The following MAST4 variants were observed in gnomAD, a reference collection of about 807,000 sequenced individuals.
MAST4 encodes microtubule-associated serine/threonine-protein kinase 4.
In MAST4, 89 loss-of-function variants were observed where a neutral mutation model predicts 162.7. The observed-to-expected ratio is 0.55, with a 90% CI of 0.46 to 0.65. MAST4 has a LOEUF of 0.65. Among genes scored for constraint, MAST4 ranks in the 30% least tolerant of loss-of-function variants. The probability of loss-of-function intolerance (pLI) is 0.00; values close to 1 mark genes in which losing one functional copy is unlikely to be tolerated. For missense variants in MAST4, 3,153 were observed against 3,374.0 expected, an observed-to-expected ratio of 0.93 and a Z score of 1.62; for synonymous variants, 1,479 against 1,361.1, an observed-to-expected ratio of 1.09 and a Z score of -1.91.
At chr5:66,901,135 G>C (rs547828176) in intron 4 of MAST4, among the ~76,000 whole-genome samples, 4 of 152,154 alleles carry the variant, frequency 2.6e-5, no homozygotes, top group South Asian at 2.1e-4. Flanking sequence ...TTCCCATCAT[G>C]ATGAGACAAA....
rs755089805 is a variant in MAST4, at chr5:67,127,403, G to A, written c.1746-2807G>A. Among the ~76,000 whole-genome samples, 20 of 152,026 alleles carry A rather than the reference G, an allele frequency of 1.3e-4. 1 individual carries two copies. Among genetic ancestry groups the A allele is most frequent in the South Asian group, 6.2e-4 (3 of 4,816 alleles). On this transcript the variant is annotated intron_variant, in intron 14 of 28. Coordinates refer to ENST00000403625, the MANE Select transcript of MAST4 (RefSeq NM_001164664.2). ...AATAGCTCTTATTATTTTGAGATAC[G>A]GTCCATCAATACCTAGTTTATTGAG...
intron 26 of MAST4, among the ~76,000 whole-genome samples, chr5:67,156,090 A>G (rs1158783539): frequency 6.6e-6 from 1 of 151,100 alleles, no homozygotes; most frequent in Non-Finnish European, 1.5e-5. Flanking sequence ...ACACGTAAGG[A>G]TAATAGTTAA....
intron 1 of MAST4, among the ~76,000 whole-genome samples, chr5:66,736,382 G>GACAC (rs34859042): frequency 4.5e-4 from 65 of 144,118 alleles, no homozygotes; most frequent in South Asian, 1.1e-3. Flanking sequence ...TTAGCCTGCT[G>GACAC]ACACACACAC....
chr5:66,894,032 T>G (rs1191903815), intron 3 of MAST4, among the ~76,000 whole-genome samples: 6 of 152,212 alleles, frequency 3.9e-5, no homozygotes, highest in African/African-American at 1.4e-4. Context: ...TGTCAAGTAG[T>G]GAGAACTCCA....
At chr5:67,105,748 C>T (rs1300453800) in intron 10 of MAST4, among the ~76,000 whole-genome samples, 1 of 152,174 alleles carries the variant, frequency 6.6e-6, no homozygotes, top group African/African-American at 2.4e-5. Context: ...AGAGTTGCCA[C>T]GTGCTTACGC....
chr5:66,616,273 AC>A (rs1473268781), intron 1 of MAST4, among the ~76,000 whole-genome samples: 2 of 151,886 alleles, frequency 1.3e-5, no homozygotes, highest in East Asian at 3.9e-4. Context: ...CCGTGTGACC[AC>A]CCCCTACCTC....
Position 67,144,662 on chromosome 5 carries a change from C to T in MAST4, c.2731-7C>T, listed in dbSNP as rs537568937. The T allele has an allele frequency of 2.7e-5, 43 of 1,612,530 alleles. No individual in the cohort carries two copies. In the East Asian group the frequency reaches 2.9e-4, roughly 11 times the overall value. On this transcript the variant is annotated splice_region_variant and splice_polypyrimidine_tract_variant and intron_variant, in intron 21 of 28. Transcript: ENST00000403625. ...ATATTAATAAGCACCAATTATTTGC[C>T]TTCCAGGTTTTCAGCAGTATAGATC...
chr5:66,899,558 A>G (rs1762881790), intron 3 of MAST4, among the ~76,000 whole-genome samples: 1 of 152,148 alleles, frequency 6.6e-6, no homozygotes, highest in African/African-American at 2.4e-5. Context: ...TTTACATTGC[A>G]CCTTTCATTT....
At chr5:67,087,820 G>A (rs189561894) in intron 5 of MAST4, among the ~76,000 whole-genome samples, 6 of 152,322 alleles carry the variant, frequency 3.9e-5, no homozygotes, top group Admixed American at 1.3e-4. Flanking sequence ...CGATTAGTAA[G>A]ATAGAACTAA....
chr5:66,598,030 T>C (rs1268992761), intron 1 of MAST4, among the ~76,000 whole-genome samples: 4 of 152,242 alleles, frequency 2.6e-5, no homozygotes, highest in Admixed American at 6.5e-5. Context: ...AGTGTTGTAT[T>C]TTCCTCATCT....
At chr5:66,963,762 C>A (rs1340016042) in intron 4 of MAST4, 2 of 779,702 alleles carry the variant, frequency 2.6e-6, no homozygotes, top group Admixed American at 3.4e-5. Flanking sequence ...TCCTTGTAGT[C>A]CTCTCTTGGC....
intron 3 of MAST4, among the ~76,000 whole-genome samples, chr5:66,819,136 T>C (rs1005284622): frequency 6.6e-6 from 1 of 152,230 alleles, no homozygotes; most frequent in Non-Finnish European, 1.5e-5. Flanking sequence ...GCCTCATTTC[T>C]ATTTGTGTCT....
chr5:67,109,642 A>G (rs1765995078), intron 10 of MAST4, among the ~76,000 whole-genome samples: 1 of 152,166 alleles, frequency 6.6e-6, no homozygotes, highest in Non-Finnish European at 1.5e-5. Flanking sequence ...ATCATATTGG[A>G]TATATGAAAT....
At chr5:67,083,685 ATAAT>A (rs1225348465) in intron 5 of MAST4, among the ~76,000 whole-genome samples, 3 of 152,314 alleles carry the variant, frequency 2.0e-5, no homozygotes, top group East Asian at 1.9e-4. Flanking sequence ...GATTCAGTCT[ATAAT>A]TAATTATGTA....
intron 2 of MAST4, among the ~76,000 whole-genome samples, chr5:66,761,557 A>G (rs978141413): frequency 6.7e-6 from 1 of 149,820 alleles, no homozygotes; most frequent in African/African-American, 2.5e-5. Flanking sequence ...AAGTTGAATT[A>G]CTCATTTTTT....
At chr5:66,957,382 C>G (rs962063236) in intron 4 of MAST4, among the ~76,000 whole-genome samples, 12 of 151,954 alleles carry the variant, frequency 7.9e-5, no homozygotes, top group Admixed American at 5.2e-4. Flanking sequence ...GCTGTGTTGC[C>G]CAGGCTGGTC....
chr5:66,675,696 A>G (rs912348818), intron 1 of MAST4, among the ~76,000 whole-genome samples: 1 of 152,138 alleles, frequency 6.6e-6, no homozygotes, highest in African/African-American at 2.4e-5. Context: ...GGGCTAGGGG[A>G]GTGCATTGAC....
chr5:67,111,840 T>TAA (rs1369829954), intron 11 of MAST4, among the ~76,000 whole-genome samples: 3 of 152,182 alleles, frequency 2.0e-5, no homozygotes, highest in Non-Finnish European at 4.4e-5. Context: ...CAAGTGAACT[T>TAA]ACAAGTAGCT....
intron 4 of MAST4, among the ~76,000 whole-genome samples, chr5:66,976,716 A>G (rs1053235423): frequency 7.9e-5 from 12 of 152,180 alleles, no homozygotes; most frequent in Non-Finnish European, 1.3e-4. Context: ...CACAGTGTTG[A>G]TCTGGAGATT....
Sources: gnomAD v4.1 joint callset for allele counts (sites outside exome capture counted in the v4.1 genomes callset) on GRCh38, gnomAD v4.1.1 for gene constraint, MANE v1.5 for transcripts, NCBI Gene and HGNC (gene_info 2026-07-23, HGNC 2026-07-21) for gene names.